TENM4: variants seen among roughly 807,000 people sequenced by gnomAD.
The protein encoded by TENM4 is teneurin transmembrane protein 4, also known as teneurin-4.
Under a neutral mutation model 243.3 loss-of-function variants are expected in TENM4, and 82 were observed. The ratio of observed to expected loss-of-function variants is 0.34; its 90% CI spans 0.28 to 0.40. The LOEUF is 0.40. TENM4 is among the 10% of genes least tolerant of loss of function. The pLI is 1.00. For missense variants in TENM4, 3,138 were observed against 3,673.3 expected (o/e 0.85, Z 3.77); for synonymous variants, 1,412 against 1,456.3 (o/e 0.97, Z 0.69).
At chr11:78,885,572 T>C (rs1298921272) in intron 9 of TENM4, among the ~76,000 whole-genome samples, 1 of 152,224 alleles carries the variant, frequency 6.6e-6, no homozygotes, top group African/African-American at 2.4e-5. Context: ...TAAATGTATC[T>C]GTAATTGAAA....
At chr11:79,254,670 A>G (rs936075122) in intron 2 of TENM4, among the ~76,000 whole-genome samples, 1 of 152,166 alleles carries the variant, frequency 6.6e-6, no homozygotes, top group Non-Finnish European at 1.5e-5. Flanking sequence ...AATCACTTAT[A>G]TTAAGTGCTG....
chr11:78,833,943 C>T (rs547557133), intron 12 of TENM4, among the ~76,000 whole-genome samples: 176 of 152,248 alleles, frequency 1.2e-3, no homozygotes, highest in Admixed American at 2.6e-3. Context: ...TAATCTCTTC[C>T]CTTTCTGGGA....
chr11:79,268,330 C>A (rs1855913768), intron 2 of TENM4, among the ~76,000 whole-genome samples: 1 of 152,210 alleles, frequency 6.6e-6, no homozygotes, highest in Non-Finnish European at 1.5e-5. Context: ...TTCAGTAAAA[C>A]TTTGTTTACA....
intron 6 of TENM4, among the ~76,000 whole-genome samples, chr11:78,956,776 T>C (rs1857214786): frequency 6.6e-6 from 1 of 152,210 alleles, no homozygotes; most frequent in East Asian, 1.9e-4. Context: ...TGACCTGAAC[T>C]GACATGAGGC....
At chr11:79,021,442 T>A (rs1354566582) in intron 6 of TENM4, 1 of 152,142 alleles carries the variant, frequency 6.6e-6, no homozygotes, top group Non-Finnish European at 1.5e-5. Context: ...GGATGTGAGA[T>A]AGGGAAGGGA....
intron 24 of TENM4, among the ~76,000 whole-genome samples, chr11:78,721,119 G>A (rs990777510): frequency 5.3e-5 from 8 of 152,238 alleles, no homozygotes; most frequent in Middle Eastern, 3.4e-3. Context: ...CTGCCGAGGC[G>A]AGCTGATTTC....
intron 2 of TENM4, among the ~76,000 whole-genome samples, chr11:79,227,256 T>C (rs1218522024): frequency 6.6e-6 from 1 of 152,198 alleles, no homozygotes; most frequent in African/African-American, 2.4e-5. Flanking sequence ...CTCCTCTTAT[T>C]GTCCCTCCAG....
chr11:79,077,417 G>GA (rs1860559753), intron 4 of TENM4, among the ~76,000 whole-genome samples: 1 of 152,098 alleles, frequency 6.6e-6, no homozygotes, highest in Non-Finnish European at 1.5e-5. Context: ...GGTAAGGAGA[G>GA]AAAAAAGTTT....
chr11:78,887,156 T>C (rs1855564384), intron 9 of TENM4, among the ~76,000 whole-genome samples: 1 of 152,236 alleles, frequency 6.6e-6, no homozygotes, highest in Non-Finnish European at 1.5e-5. Flanking sequence ...AACACTTCTG[T>C]ATTAGCTCCA....
At chr11:78,999,546 C>CAAA (rs1243916517) in intron 6 of TENM4, among the ~76,000 whole-genome samples, 9 of 151,852 alleles carry the variant, frequency 5.9e-5, no homozygotes, top group African/African-American at 2.2e-4. Context: ...ACAAAAAAAC[C>CAAA]ACCAAAGATA....
intron 7 of TENM4, among the ~76,000 whole-genome samples, chr11:78,894,284 T>G (rs1855738193): frequency 6.6e-6 from 1 of 152,130 alleles, no homozygotes; most frequent in Non-Finnish European, 1.5e-5. Flanking sequence ...CTAGAAGACC[T>G]GGGAGTCTGG....
At chr11:79,114,840 T>G (rs7114639) in intron 4 of TENM4, among the ~76,000 whole-genome samples, 63,237 of 152,060 alleles carry the variant, frequency 0.42, 14,869 homozygotes, top group Non-Finnish European at 0.54. Context: ...TTGGCCAGGA[T>G]AGATAGGAAA....
At chr11:78,695,453 T>G (rs559367569) in intron 28 of TENM4, among the ~76,000 whole-genome samples, 1 of 152,306 alleles carries the variant, frequency 6.6e-6, no homozygotes, top group South Asian at 2.1e-4. Flanking sequence ...AACCTCCGCC[T>G]CCTGGATTTA....
intron 6 of TENM4, among the ~76,000 whole-genome samples, chr11:78,930,557 C>T (rs571516108): frequency 3.9e-5 from 6 of 152,122 alleles, no homozygotes; most frequent in Middle Eastern, 3.2e-3. Flanking sequence ...AGCCTCGGTA[C>T]GCTCACCTAT....
At chr11:78,868,557 G>T (rs1013665646) in intron 9 of TENM4, among the ~76,000 whole-genome samples, 11 of 152,188 alleles carry the variant, frequency 7.2e-5, no homozygotes, top group African/African-American at 2.7e-4. Context: ...AGTGAGACAT[G>T]AGAGATGGCT....
rs188525379 is a variant in TENM4, at chr11:79,272,964, T to C, written c.-265+24524A>G. ...TTGCTTGCTAAAATAAAACATCCTT[T>C]AGGCCCTGGACATTGATCTGCTCAG... On this transcript the variant is annotated intron_variant, in intron 2 of 33. Transcript: ENST00000278550. Among the ~76,000 whole-genome samples the C allele has an allele frequency of 7.4e-4, 112 of 152,286 alleles. 1 individual carries two copies. Among genetic ancestry groups the C allele is most frequent in the African/African-American group, 2.3e-3 (95 of 41,566 alleles).
intron 10 of TENM4, among the ~76,000 whole-genome samples, chr11:78,857,457 T>C (rs1858707446): frequency 6.6e-6 from 1 of 152,226 alleles, no homozygotes; most frequent in Non-Finnish European, 1.5e-5. Flanking sequence ...CAGGGCATTG[T>C]TGTAGTCATA....
chr11:79,207,865 CAAAAA>C (rs569705318), intron 3 of TENM4, among the ~76,000 whole-genome samples: 2 of 66,654 alleles, frequency 3.0e-5, no homozygotes, highest in East Asian at 4.5e-4. Flanking sequence ...GACTCTGTCT[CAAAAA>C]AAAAAAAAAA....
chr11:79,385,040 G>A (rs1042635855), intron 1 of TENM4, among the ~76,000 whole-genome samples: 6 of 151,716 alleles, frequency 4.0e-5, no homozygotes, highest in African/African-American at 7.3e-5. Flanking sequence ...TGTGGTCACC[G>A]AGCAATGATG....
Sources: allele counts gnomAD v4.1 joint callset (sites outside exome capture counted in the v4.1 genomes callset), GRCh38; gene constraint gnomAD v4.1.1; transcripts MANE v1.5; gene names NCBI Gene and HGNC (gene_info 2026-07-23, HGNC 2026-07-21).